The following P4HTM variants were observed in gnomAD, a reference collection of about 807,000 sequenced individuals.
The protein encoded by P4HTM is transmembrane prolyl 4-hydroxylase.
P4HTM carries 33 observed loss-of-function variants against 55.3 expected under a neutral mutation model. The ratio of observed to expected loss-of-function variants is 0.60; its 90% CI spans 0.45 to 0.80. The LOEUF is 0.80. P4HTM is among the 30% of genes least tolerant of loss of function. P4HTM has a pLI of 0.00. For synonymous variants in P4HTM, 272 were observed against 286.4 expected, an observed-to-expected ratio of 0.95 and a Z score of 0.51; for missense variants, 542 against 696.5, an observed-to-expected ratio of 0.78 and a Z score of 2.50.
chr3:49,005,234 T>G, intron 6 of P4HTM, 188 bp downstream of exon 6: 1 of 1,531,866 alleles, frequency 6.5e-7, no homozygotes, highest in Non-Finnish European at 8.7e-7. Context: ...GGGTGGCTAC[T>G]GGTCATCGTG....
intron 2 of P4HTM, among the ~76,000 whole-genome samples, chr3:49,000,191 G>C (rs577914193): frequency 2.0e-5 from 3 of 152,268 alleles, no homozygotes; most frequent in African/African-American, 7.2e-5. Context: ...TGTGTATGAA[G>C]TGCTTAGGAC....
Position 48,990,367 on chromosome 3 carries a change from G to C in P4HTM, c.111G>C (p.Gly37=), listed in dbSNP as rs1441677868. The C allele has an allele frequency of 6.3e-7, 1 of 1,577,656 alleles. No homozygotes were observed. The highest frequency in any genetic ancestry group is 8.6e-7 in the Non-Finnish European group (1 of 1,169,538). The part of the protein sequence containing the change: ...PDHCQAQAAA[G]LGDGEDAPVR... ...ACTGCCAGGCTCAGGCGGCGGCCGG[G>C]CTGGGCGACGGCGAGGACGCACCGG... The change falls in exon 1 of 9, where the codon GGG becomes GGC. Residue 37 remains glycine, a synonymous_variant. Transcript: ENST00000383729. This position sits in a 1 kb window ranked among gnomAD's most constrained non-coding sequence, Gnocchi z 7.2.
Position 49,006,706 on chromosome 3 carries a change from C to CGACT in P4HTM, c.1309_1312dup (p.Tyr438Ter), listed in dbSNP as rs1303700160. On this transcript the variant is annotated frameshift_variant, in exon 9 of 9. Coordinates refer to ENST00000383729, the MANE Select transcript of P4HTM (RefSeq NM_177939.3). LOFTEE classifies it high-confidence loss of function. ...TTCTAGGTTGGGTGGGTGACGTAGA[C>CGACT]GACTACTCGCTGCACGGGGGCTGCC... 6.2e-7 allele frequency: 1 copy of CGACT among 1,613,622 alleles called. No individual in the cohort carries two copies. Among genetic ancestry groups the CGACT allele is most frequent in the Non-Finnish European group, 8.5e-7 (1 of 1,180,000 alleles).
Position 49,005,840 on chromosome 3 carries a change from A to C in P4HTM, c.1137A>C (p.Val379=), listed in dbSNP as rs2092977463. Residue 379 remains valine, a synonymous_variant, in exon 7 of 9, where the codon GTA becomes GTC. Transcript: ENST00000383729. ...GTGGGGGCGAGACTGTTTTCCCTGT[A>C]GCAGATAACAGAACCTACGATGAAA... ...VTGGGETVFP[V]ADNRTYDEMS... 6.4e-7 allele frequency: 1 copy of C among 1,562,908 alleles called. No homozygotes were observed. Among genetic ancestry groups the C allele is most frequent in the African/African-American group, 1.4e-5 (1 of 73,042 alleles).
chr3:48,990,722 C>A lies in P4HTM; in HGVS notation c.355-111C>A. The A allele has an allele frequency of 6.8e-7, 1 of 1,473,728 alleles. No individual in the cohort carries two copies. Among genetic ancestry groups the A allele is most frequent in the Non-Finnish European group, 9.2e-7 (1 of 1,091,860 alleles). The allele number at this position is 1,473,728 out of a possible 1,614,324, so 91.3% of individuals were successfully genotyped here. The stretch of plus-strand genomic sequence containing the variant: ...CCCCGGCGCTGCTCTGCGTCGGTCC[C>A]GCGCGCTCCCACTCACTCGCCTGCT... On this transcript the variant is annotated intron_variant, in intron 1 of 8. Transcript: ENST00000383729. The surrounding 1 kb of genome is among the most constrained non-coding windows in gnomAD (Gnocchi z 7.2).
At chr3:49,000,130 G>C (rs2092957023) in intron 2 of P4HTM, among the ~76,000 whole-genome samples, 1 of 152,218 alleles carries the variant, frequency 6.6e-6, no homozygotes, top group African/African-American at 2.4e-5. Context: ...TAGGAAGGTT[G>C]AATTAATGGG....
upstream of P4HTM, chr3:48,990,100 G>T: frequency 1.6e-5 from 10 of 619,618 alleles, no homozygotes; most frequent in Non-Finnish European, 2.1e-5. This position sits in a 1 kb window ranked among gnomAD's most constrained non-coding sequence, Gnocchi z 7.2. Context: ...GGCCGAGCCC[G>T]GCGCGGACGC....
Position 49,004,241 on chromosome 3 carries a change from A to G in P4HTM, c.868A>G (p.Met290Val). The change falls in exon 5 of 9, where the codon ATG (methionine) becomes GTG (valine). Residue 290 changes from methionine (M) to valine (V), a missense_variant. Around this residue, in one of 2 missense-constraint regions of P4HTM, gnomAD observed 536 missense variants for 672.1 expected, o/e 0.80. Coordinates refer to ENST00000383729, the MANE Select transcript of P4HTM (RefSeq NM_177939.3). ...CCAGGGTGAGGGTGCCCACCACATC[A>G]TGCGTGCCATCCGCCAGAGGTGAGC... ...LYQGEGAHHI[M>V]RAIRQRVLRL... The G allele has an allele frequency of 6.5e-7, 1 of 1,548,446 alleles. No individual in the cohort carries two copies. The highest frequency in any genetic ancestry group is 8.7e-7 in the Non-Finnish European group (1 of 1,146,570).
At chr3:48,992,462 C>A in intron 2 of P4HTM, among the ~76,000 whole-genome samples, 1 of 151,416 alleles carries the variant, frequency 6.6e-6, no homozygotes, top group Admixed American at 6.6e-5. Flanking sequence ...AAAAATTAGC[C>A]GGGTGTGGTG....
chr3:49,005,665 A>T, intron 6 of P4HTM, 112 bp from the exon 7 acceptor site: 1 of 1,477,262 alleles, frequency 6.8e-7, no homozygotes, highest in South Asian at 1.5e-5. Flanking sequence ...CTCCCATCCT[A>T]GTCTGTCCTG....
In P4HTM at chr3:48,990,680, C is replaced by T. The variant is rs1317938888; in HGVS notation, c.354+70C>T. 6.8e-7 allele frequency: 1 copy of T among 1,473,548 alleles called. No homozygotes were observed. The highest frequency in any genetic ancestry group is 1.4e-5 in the African/African-American group (1 of 70,666). 91.3% of individuals were successfully genotyped at this position (1,473,548 alleles called of 1,614,324 possible). On this transcript the variant is annotated intron_variant, in intron 1 of 8. Transcript: ENST00000383729. The surrounding 1 kb of genome is among the most constrained non-coding windows in gnomAD (Gnocchi z 7.2). Reference sequence around the variant, plus strand: ...GAGCCCGAGAGGACCGGCGCTCAGCCCGGGTCCCCACGCTGCCCCCGGCGC... The same window carrying T: ...GAGCCCGAGAGGACCGGCGCTCAGCTCGGGTCCCCACGCTGCCCCCGGCGC...
chr3:48,998,280 T>TA (rs2092951508), intron 2 of P4HTM: 1 of 152,148 alleles, frequency 6.6e-6, no homozygotes, highest in African/African-American at 2.4e-5. Flanking sequence ...TGGCCAGGGG[T>TA]AGCTGTAGCA....
chr3:49,003,845 C>A (rs1202129227), intron 4 of P4HTM: 5 of 453,448 alleles, frequency 1.1e-5, no homozygotes, highest in Non-Finnish European at 2.0e-5. Context: ...GGGGGTGGGC[C>A]TCTTTCTTCT....
chr3:49,006,756 T>C lies in P4HTM; in HGVS notation c.1358T>C (p.Ile453Thr), dbSNP rs779288119. 3.7e-6 allele frequency: 6 copies of C among 1,613,730 alleles called. No individual in the cohort carries two copies. In the Admixed American group the frequency reaches 1.0e-4, roughly 27 times the overall value. Reference sequence around the variant, plus strand: ...CTGGTCACGCGCGGCACCAAGTGGATTGCCAACAACTGGATTAATGTGGAC... The same window carrying C: ...CTGGTCACGCGCGGCACCAAGTGGACTGCCAACAACTGGATTAATGTGGAC... The part of the protein sequence containing the change: ...GCLVTRGTKW[I>T]ANNWINVDPS... The change falls in exon 9 of 9, where the codon ATT (isoleucine) becomes ACT (threonine). Residue 453 changes from isoleucine (I) to threonine (T), a missense_variant. Ile to Thr is a moderately conservative substitution (Grantham distance 89). Transcript: ENST00000383729.
rs970898524 is a variant in P4HTM at position 48,990,730 on chromosome 3, C to G, written c.355-103C>G. Reference sequence around the variant, plus strand: ...CTGCTCTGCGTCGGTCCCGCGCGCTCCCACTCACTCGCCTGCTGTCGCTCT... The same window carrying G: ...CTGCTCTGCGTCGGTCCCGCGCGCTGCCACTCACTCGCCTGCTGTCGCTCT... On this transcript the variant is annotated intron_variant, in intron 1 of 8. Coordinates refer to ENST00000383729, the MANE Select transcript of P4HTM (RefSeq NM_177939.3). The surrounding 1 kb of genome is among the most constrained non-coding windows in gnomAD (Gnocchi z 7.2). The G allele has an allele frequency of 6.8e-5, 101 of 1,485,652 alleles. No individual in the cohort carries two copies. The highest frequency in any genetic ancestry group is 9.0e-5 in the Non-Finnish European group (99 of 1,095,554). 92.0% of individuals were successfully genotyped at this position (1,485,652 alleles called of 1,614,324 possible). A position where few individuals can be genotyped will look rare whatever the true frequency, so the allele number is the denominator to read the frequency against.
Position 48,990,792 on chromosome 3 carries a change from G to C in P4HTM, c.355-41G>C. The C allele has an allele frequency of 6.3e-7, 1 of 1,595,900 alleles. No homozygotes were observed. Among genetic ancestry groups the C allele is most frequent in the Non-Finnish European group, 8.6e-7 (1 of 1,165,434 alleles). On this transcript the variant is annotated intron_variant, in intron 1 of 8. Coordinates refer to ENST00000383729, the MANE Select transcript of P4HTM (RefSeq NM_177939.3). This position sits in a 1 kb window ranked among gnomAD's most constrained non-coding sequence, Gnocchi z 7.2. ...CGACTTGGCCCTTCTTGGGCAGCGCGGTCTGGCGCCCCAGCTGCCCGCTGT... is the reference window on the plus strand; with the variant it reads ...CGACTTGGCCCTTCTTGGGCAGCGCCGTCTGGCGCCCCAGCTGCCCGCTGT...
intron 8 of P4HTM, among the ~76,000 whole-genome samples, 196 bp downstream of exon 8, chr3:49,006,383 T>A (rs1052722398): frequency 1.3e-5 from 2 of 152,208 alleles, no homozygotes; most frequent in African/African-American, 4.8e-5. Flanking sequence ...GTTATATCCA[T>A]CCCTATCATT....
At position 48,990,245 on chromosome 3, in the gene P4HTM, G is replaced by T. The variant is rs1437520965; in HGVS notation, c.-12G>T. On this transcript the variant is annotated 5_prime_UTR_variant, in exon 1 of 9. Transcript: ENST00000383729. This position sits in a 1 kb window ranked among gnomAD's most constrained non-coding sequence, Gnocchi z 7.2. ...CGGCCCCTCCCCTGGGCGCGCGCGCGACCTGGGTGCCATGGCGGCAGCGGC... is the reference window on the plus strand; with the variant it reads ...CGGCCCCTCCCCTGGGCGCGCGCGCTACCTGGGTGCCATGGCGGCAGCGGC... The T allele has an allele frequency of 1.7e-6, 2 of 1,191,944 alleles. No homozygotes were observed. Among genetic ancestry groups the T allele is most frequent in the African/African-American group, 1.6e-5 (1 of 62,552 alleles). The allele number at this position is 1,191,944 out of a possible 1,614,324, so 73.8% of individuals were successfully genotyped here. A position where few individuals can be genotyped will look rare whatever the true frequency, so the allele number is the denominator to read the frequency against.
upstream of P4HTM, chr3:48,989,924 C>T (rs1437996440): frequency 1.3e-5 from 2 of 157,244 alleles, no homozygotes; most frequent in African/African-American, 4.8e-5. Flanking sequence ...CGTCTTCACG[C>T]AGGCACCGAG....
Sources: allele counts gnomAD v4.1 joint callset (sites outside exome capture counted in the v4.1 genomes callset), GRCh38; gene constraint gnomAD v4.1.1; regional missense constraint gnomAD v4.1.1; non-coding constraint Gnocchi (gnomAD v3.1); transcripts MANE v1.5; gene names NCBI Gene and HGNC (gene_info 2026-07-23, HGNC 2026-07-21).